The following ITCH variants were observed in gnomAD, a reference collection of about 807,000 sequenced individuals.
ITCH encodes the protein itchy E3 ubiquitin protein ligase.
Under a neutral mutation model 126.8 loss-of-function variants are expected in ITCH, and 28 were observed. The ratio of observed to expected loss-of-function variants is 0.22; its 90% CI spans 0.16 to 0.30. ITCH has a LOEUF of 0.30. ITCH is among the 10% of genes least tolerant of loss of function. ITCH has a pLI of 1.00. For missense variants in ITCH, 631 were observed against 1,032.4 expected, an observed-to-expected ratio of 0.61 and a Z score of 5.33; for synonymous variants, 342 against 340.0, an observed-to-expected ratio of 1.01 and a Z score of -0.06.
chr20:34,428,135 A>G (rs1981793879), intron 7 of ITCH, among the ~76,000 whole-genome samples: 1 of 152,216 alleles, frequency 6.6e-6, no homozygotes, highest in Non-Finnish European at 1.5e-5. Flanking sequence ...TCCAGAGCAC[A>G]CACACCTTTG....
intron 3 of ITCH, among the ~76,000 whole-genome samples, chr20:34,399,488 C>G (rs6142158): frequency 6.6e-6 from 1 of 152,050 alleles, no homozygotes; most frequent in African/African-American, 2.4e-5. Context: ...CAGTATTTGA[C>G]TAGAGTCACT....
At chr20:34,374,749 T>A (rs2037768512) in intron 2 of ITCH, among the ~76,000 whole-genome samples, 1 of 151,962 alleles carries the variant, frequency 6.6e-6, no homozygotes, top group African/African-American at 2.4e-5. Flanking sequence ...TTTTTTTTTT[T>A]TGAGACAGAG....
intron 2 of ITCH, among the ~76,000 whole-genome samples, chr20:34,381,211 G>A (rs2038048544): frequency 6.6e-6 from 1 of 151,408 alleles, no homozygotes; most frequent in African/African-American, 2.4e-5. Context: ...GACCAGCCTG[G>A]CCAACAAAGT....
intron 7 of ITCH, among the ~76,000 whole-genome samples, chr20:34,434,258 T>C (rs1394626394): frequency 6.6e-6 from 1 of 151,966 alleles, no homozygotes; most frequent in African/African-American, 2.4e-5. Context: ...TGGTAAACCA[T>C]GGTTGTGCCA....
chr20:34,366,480 C>T (rs1171582332), intron 1 of ITCH, among the ~76,000 whole-genome samples: 1 of 152,128 alleles, frequency 6.6e-6, no homozygotes, highest in Non-Finnish European at 1.5e-5. Context: ...CCACCTTGGC[C>T]TCCTAAAGTG....
intron 3 of ITCH, among the ~76,000 whole-genome samples, chr20:34,396,379 A>G (rs1031119788): frequency 2.6e-5 from 4 of 152,060 alleles, no homozygotes; most frequent in African/African-American, 9.7e-5. Flanking sequence ...TCCCACTAGC[A>G]ATATATGAGG....
At chr20:34,477,248 C>T (rs965981795) in intron 16 of ITCH, among the ~76,000 whole-genome samples, 48 of 152,136 alleles carry the variant, frequency 3.2e-4, no homozygotes, top group African/African-American at 1.1e-3. Context: ...AATAAAATCA[C>T]GGCCGGGCAT....
intron 3 of ITCH, among the ~76,000 whole-genome samples, chr20:34,405,492 C>T (rs894932109): frequency 6.6e-6 from 1 of 151,160 alleles, no homozygotes; most frequent in Non-Finnish European, 1.5e-5. Flanking sequence ...GCAACAAGAG[C>T]GAAACTCCTA....
At chr20:34,410,175 C>T (rs377503664) in intron 4 of ITCH, among the ~76,000 whole-genome samples, 3 of 152,054 alleles carry the variant, frequency 2.0e-5, no homozygotes, top group African/African-American at 7.2e-5. Flanking sequence ...CGAGACCAGC[C>T]TGACCAACGT....
intron 7 of ITCH, among the ~76,000 whole-genome samples, chr20:34,432,368 T>G (rs1221218994): frequency 6.6e-6 from 1 of 152,184 alleles, no homozygotes; most frequent in East Asian, 1.9e-4. Flanking sequence ...TTAACCAATA[T>G]GAGATGCTCA....
intron 6 of ITCH, among the ~76,000 whole-genome samples, chr20:34,422,463 A>G (rs1214323371): frequency 2.0e-5 from 3 of 152,120 alleles, no homozygotes; most frequent in African/African-American, 7.2e-5. Flanking sequence ...TGGTTTTCTG[A>G]TTTCATTTAT....
chr20:34,486,768 C>A (rs528521322), intron 20 of ITCH, among the ~76,000 whole-genome samples: 1 of 144,156 alleles, frequency 6.9e-6, no homozygotes, highest in Non-Finnish European at 1.5e-5. Flanking sequence ...TGAAATCTTG[C>A]CTCACGGCAG....
chr20:34,497,560 G>A (rs1989970101), intron 23 of ITCH, among the ~76,000 whole-genome samples: 1 of 152,092 alleles, frequency 6.6e-6, no homozygotes, highest in African/African-American at 2.4e-5. Flanking sequence ...TGTGAAGAAT[G>A]TCATTGGTTG....
At chr20:34,387,176 G>T (rs1164466590) in intron 2 of ITCH, among the ~76,000 whole-genome samples, 1 of 151,914 alleles carries the variant, frequency 6.6e-6, no homozygotes, top group East Asian at 1.9e-4. Flanking sequence ...TGTCATGCAT[G>T]CCTGTAATCC....
intron 10 of ITCH, 63 bp downstream of exon 10, chr20:34,442,366 A>G: frequency 1.7e-6 from 2 of 1,144,536 alleles, no homozygotes; most frequent in African/African-American, 1.5e-5. Context: ...ACAACTGTAT[A>G]ATCTTCCCTA....
intron 3 of ITCH, among the ~76,000 whole-genome samples, chr20:34,400,829 C>G (rs988272710): frequency 2.0e-5 from 3 of 151,816 alleles, no homozygotes; most frequent in Non-Finnish European, 4.4e-5. Flanking sequence ...TTGATCTTGG[C>G]TCACTGCAAC....
intron 13 of ITCH, among the ~76,000 whole-genome samples, chr20:34,458,164 A>G (rs988035803): frequency 1.3e-5 from 2 of 152,166 alleles, no homozygotes; most frequent in African/African-American, 2.4e-5. Flanking sequence ...GAAATTTAGT[A>G]TCTTCTTCCA....
rs377050202 is a variant in ITCH, at chr20:34,403,154, TTC to T, written c.71-5495_71-5494del. Among the ~76,000 whole-genome samples, 69 of 152,340 alleles carry T rather than the reference TTC, an allele frequency of 4.5e-4. 1 individual carries two copies. In the East Asian group the frequency reaches 0.013, roughly 29 times the overall value. On this transcript the variant is annotated intron_variant, in intron 3 of 24. Transcript: ENST00000374864. ...GATTGATCTCTTACCTGGTTCATTA[TTC>T]TGCTTATTTATTTAGTTTTGGCACT...
chr20:34,363,454 G>A (rs1286551568), intron 1 of ITCH, 105 bp downstream of exon 1: 1 of 152,428 alleles, frequency 6.6e-6, no homozygotes, highest in Non-Finnish European at 1.5e-5. Context: ...GCGCGGTTCG[G>A]GACCCCAGAG....
Sources: allele counts gnomAD v4.1 joint callset (sites outside exome capture counted in the v4.1 genomes callset), GRCh38; gene constraint gnomAD v4.1.1; transcripts MANE v1.5; gene names NCBI Gene and HGNC (gene_info 2026-07-23, HGNC 2026-07-21).